DLGAP4: variants seen among roughly 807,000 people sequenced by gnomAD.
DLGAP4 encodes the protein disks large-associated protein 4.
Under a neutral mutation model 86.9 loss-of-function variants are expected in DLGAP4, and 18 were observed. The ratio of observed to expected loss-of-function variants is 0.21; its 90% CI spans 0.14 to 0.31. DLGAP4 has a LOEUF of 0.31. Ranked by LOEUF, DLGAP4 falls within the 10% of genes least tolerant of loss-of-function variation. DLGAP4 has a pLI of 1.00. For missense variants in DLGAP4, 1,085 were observed against 1,362.6 expected (o/e 0.80, Z 3.21); for synonymous variants, 548 against 574.3 (o/e 0.95, Z 0.65).
intron 1 of DLGAP4, among the ~76,000 whole-genome samples, chr20:36,327,623 G>A (rs1449562061): frequency 7.6e-6 from 1 of 132,310 alleles, no homozygotes; most frequent in Admixed American, 8.1e-5. Context: ...ACGGAGTCTC[G>A]CTCTGTCGCC....
chr20:36,458,248 C>T (rs906807307), intron 7 of DLGAP4, among the ~76,000 whole-genome samples: 4 of 151,336 alleles, frequency 2.6e-5, no homozygotes, highest in Non-Finnish European at 4.4e-5. Context: ...CGGTGGCTCA[C>T]GCCTGTAATC....
rs2030128175 is a variant in DLGAP4, at chr20:36,350,906, C to G, written c.-303-16139C>G. On this transcript the variant is annotated intron_variant, in intron 1 of 12. Transcript: ENST00000339266. This position sits in a 1 kb window ranked among gnomAD's most constrained non-coding sequence, Gnocchi z 4.4. ...CCCTGCCAGCACCACAAGCCCCTCA[C>G]TCTGGAATCCCAAAGGCCTAGGGAG... is the stretch of plus-strand genomic sequence containing the variant. 6.6e-6 allele frequency among the ~76,000 whole-genome samples: 1 copy of G among 152,266 alleles called. No individual in the cohort carries two copies. Among genetic ancestry groups the G allele is most frequent in the Admixed American group, 6.5e-5 (1 of 15,292 alleles).
Position 36,341,281 on chromosome 20 carries a change from G to C in DLGAP4, c.-303-25764G>C, listed in dbSNP as rs548980152. ...TTCAGAGGAGCCTTCTGTGACCTTT[G>C]TCTTGACCCCTGGTTTTCTCTGTCC... On this transcript the variant is annotated intron_variant, in intron 1 of 12. Coordinates refer to ENST00000339266, the MANE Select transcript of DLGAP4 (RefSeq NM_001365621.2). Among the ~76,000 whole-genome samples, 3 of 152,300 alleles carry C rather than the reference G, an allele frequency of 2.0e-5. No individual in the cohort carries two copies. The East Asian group carries it at 5.8e-4, about 29-fold the overall frequency.
At chr20:36,428,012 C>T (rs773273171) in intron 2 of DLGAP4, among the ~76,000 whole-genome samples, 30 of 152,016 alleles carry the variant, frequency 2.0e-4, no homozygotes, top group Non-Finnish European at 4.3e-4. Flanking sequence ...CTAATAGATA[C>T]TCAGGGGAAA....
rs2036069799 is a variant in DLGAP4, at chr20:36,500,049, G to A, written c.2100-150G>A. ...AGGGCTGAGCCAAGAATGAGATGGG[G>A]GCTGTGGGACCCGCTTCAGGCGCAT... On this transcript the variant is annotated intron_variant, in intron 9 of 12. Coordinates refer to ENST00000339266, the MANE Select transcript of DLGAP4 (RefSeq NM_001365621.2). The surrounding 1 kb of genome is among the most constrained non-coding windows in gnomAD (Gnocchi z 4.6). 1.1e-6 allele frequency: 1 copy of A among 908,740 alleles called. No homozygotes were observed. Among genetic ancestry groups the A allele is most frequent in the Admixed American group, 3.0e-5 (1 of 33,810 alleles). 56.3% of individuals were successfully genotyped at this position (908,740 alleles called of 1,614,324 possible).
chr20:36,401,467 G>A (rs373739185), intron 2 of DLGAP4, among the ~76,000 whole-genome samples: 1 of 152,198 alleles, frequency 6.6e-6, no homozygotes. Context: ...TCAGGCAGGC[G>A]GCTTTTCCCT....
At chr20:36,511,827 A>C (rs1302967724) in intron 10 of DLGAP4, among the ~76,000 whole-genome samples, 1 of 149,370 alleles carries the variant, frequency 6.7e-6, no homozygotes, top group African/African-American at 2.5e-5. Flanking sequence ...GTGAGCCGAG[A>C]TCATGCCACC....
chr20:36,440,991 G>A (rs2033430748), intron 5 of DLGAP4, among the ~76,000 whole-genome samples: 1 of 152,086 alleles, frequency 6.6e-6, no homozygotes, highest in Admixed American at 6.5e-5. Flanking sequence ...ACATGGGGAG[G>A]GGTAGAGTGC....
At chr20:36,323,423 G>T (rs1256234596) in intron 1 of DLGAP4, among the ~76,000 whole-genome samples, 7 of 152,284 alleles carry the variant, frequency 4.6e-5, no homozygotes, top group African/African-American at 9.6e-5. Flanking sequence ...CATGGCTGTT[G>T]TGTGTATTGG....
intron 7 of DLGAP4, among the ~76,000 whole-genome samples, chr20:36,472,709 G>C (rs549496201): frequency 6.6e-6 from 1 of 151,954 alleles, no homozygotes; most frequent in African/African-American, 2.4e-5. Flanking sequence ...TGTTCTAGTC[G>C]TAAAGTTTCA....
chr20:36,466,534 G>A (rs1209069290), intron 7 of DLGAP4, among the ~76,000 whole-genome samples: 1 of 152,196 alleles, frequency 6.6e-6, no homozygotes, highest in Non-Finnish European at 1.5e-5. Context: ...TTGATGAGGT[G>A]TGTGGTGTAA....
chr20:36,442,165 C>T (rs1166917741), intron 5 of DLGAP4, among the ~76,000 whole-genome samples: 1 of 152,186 alleles, frequency 6.6e-6, no homozygotes, highest in African/African-American at 2.4e-5. Context: ...GATCCATGGT[C>T]CCAGGGCCCA....
At chr20:36,374,259 G>A (rs1010229605) in intron 2 of DLGAP4, among the ~76,000 whole-genome samples, 2 of 152,098 alleles carry the variant, frequency 1.3e-5, no homozygotes, top group African/African-American at 4.8e-5. Context: ...TGGATGATTT[G>A]TCTGGAATGT....
At chr20:36,430,419 T>C (rs917278506) in intron 2 of DLGAP4, among the ~76,000 whole-genome samples, 38 of 152,152 alleles carry the variant, frequency 2.5e-4, no homozygotes, top group Non-Finnish European at 4.7e-4. Context: ...AGCAGGTTTT[T>C]GCAGAGGGCT....
rs1023546209 is a variant in DLGAP4 at position 36,431,603 on chromosome 20, A to C, written c.-72-43A>C. On this transcript the variant is annotated intron_variant, in intron 2 of 12. Transcript: ENST00000339266. The surrounding 1 kb of genome is among the most constrained non-coding windows in gnomAD (Gnocchi z 5.1). The stretch of plus-strand genomic sequence containing the variant: ...GACCTTCCCGGCACCCCTCCCCGAC[A>C]ATCCAGCTGACCAGCTGACCGCTTT... The C allele has an allele frequency of 8.0e-7, 1 of 1,246,330 alleles. No individual in the cohort carries two copies. Among genetic ancestry groups the C allele is most frequent in the Admixed American group, 2.8e-5 (1 of 36,012 alleles). 77.2% of individuals were successfully genotyped at this position (1,246,330 alleles called of 1,614,324 possible). A position where few individuals can be genotyped will look rare whatever the true frequency, so the allele number is the denominator to read the frequency against.
At position 36,496,694 on chromosome 20, in the gene DLGAP4, T is replaced by C. The variant is rs373662920; in HGVS notation, c.1649-11T>C. 6 of 1,593,018 alleles carry C rather than the reference T, an allele frequency of 3.8e-6. No homozygotes were observed. Among genetic ancestry groups the C allele is most frequent in the Non-Finnish European group, 4.3e-6 (5 of 1,163,790 alleles). Reference sequence around the variant, plus strand: ...TCACCTCTCCCCTGCCCTTCTCTCATCCATCTGCAGGTTCATCATGCCTAG... The same window carrying C: ...TCACCTCTCCCCTGCCCTTCTCTCACCCATCTGCAGGTTCATCATGCCTAG... On this transcript the variant is annotated splice_polypyrimidine_tract_variant and intron_variant, in intron 7 of 12. Coordinates refer to ENST00000339266, the MANE Select transcript of DLGAP4 (RefSeq NM_001365621.2).
intron 2 of DLGAP4, among the ~76,000 whole-genome samples, chr20:36,415,201 G>T (rs1301603803): frequency 1.3e-5 from 2 of 152,210 alleles, no homozygotes; most frequent in African/African-American, 4.8e-5. Context: ...GGAGGTGGAG[G>T]TTGCAGTGAG....
intron 2 of DLGAP4, among the ~76,000 whole-genome samples, chr20:36,413,268 G>A (rs1054762857): frequency 2.0e-5 from 3 of 151,752 alleles, no homozygotes; most frequent in African/African-American, 2.4e-5. Flanking sequence ...ATGAGCCACC[G>A]TGCCCGGCCT....
At chr20:36,474,464 G>C (rs1309982241) in intron 7 of DLGAP4, among the ~76,000 whole-genome samples, 1 of 152,230 alleles carries the variant, frequency 6.6e-6, no homozygotes, top group African/African-American at 2.4e-5. Flanking sequence ...CATCTGGGCA[G>C]TTTCCTACTG....
Sources: gnomAD v4.1 joint callset for allele counts (sites outside exome capture counted in the v4.1 genomes callset) on GRCh38, gnomAD v4.1.1 for gene constraint, Gnocchi (gnomAD v3.1) non-coding constraint, MANE v1.5 for transcripts, NCBI Gene and HGNC (gene_info 2026-07-23, HGNC 2026-07-21) for gene names.